Variants in NRG3 observed in about 807,000 individuals in gnomAD.
NRG3 encodes the protein pro-neuregulin-3, membrane-bound isoform.
A neutral mutation model predicts 66.9 loss-of-function variants in NRG3; 31 were observed. That is an observed-to-expected ratio of 0.46 (90% CI 0.35 to 0.63). The LOEUF is 0.63. NRG3 is among the 20% of genes least tolerant of loss of function. The pLI, the probability that NRG3 is intolerant of heterozygous loss-of-function variation, is 0.00. For missense variants in NRG3, 910 were observed against 878.9 expected (o/e 1.04, Z -0.45); for synonymous variants, 393 against 359.4 (o/e 1.09, Z -1.06).
intron 1 of NRG3, among the ~76,000 whole-genome samples, chr10:82,080,296 C>A (rs1018707603): frequency 3.3e-5 from 5 of 152,118 alleles, no homozygotes; most frequent in Admixed American, 2.6e-4. Flanking sequence ...CCTTCAACAA[C>A]CCTGGGTTCT....
rs1308832220 is a variant in NRG3 at position 82,334,773 on chromosome 10, T to G, written c.824-23966T>G. On this transcript the variant is annotated intron_variant, in intron 1 of 8. Coordinates refer to ENST00000372141, the MANE Select transcript of NRG3 (RefSeq NM_001010848.4). Reference sequence around the variant, plus strand: ...TAATTATCAAATCTCATTGGAAGTTTTTCAGTTATTGAATGGAATAATATG... The same window carrying G: ...TAATTATCAAATCTCATTGGAAGTTGTTCAGTTATTGAATGGAATAATATG... Among the ~76,000 whole-genome samples the G allele has an allele frequency of 2.0e-5, 3 of 152,328 alleles. No individual in the cohort carries two copies. In the South Asian group the frequency reaches 6.2e-4, roughly 32 times the overall value.
intron 2 of NRG3, among the ~76,000 whole-genome samples, chr10:82,485,076 T>C (rs1413694596): frequency 6.6e-6 from 1 of 152,160 alleles, no homozygotes; most frequent in Non-Finnish European, 1.5e-5. Context: ...ATAGCACCCT[T>C]CACAATACAC....
chr10:82,164,968 G>A (rs2071924854), intron 1 of NRG3, among the ~76,000 whole-genome samples: 1 of 151,934 alleles, frequency 6.6e-6, no homozygotes, highest in Non-Finnish European at 1.5e-5. Context: ...GAAAAGACTG[G>A]CACTCTAATA....
At chr10:82,461,639 C>T (rs918550223) in intron 2 of NRG3, among the ~76,000 whole-genome samples, 1 of 152,158 alleles carries the variant, frequency 6.6e-6, no homozygotes, top group Admixed American at 6.5e-5. Context: ...TTTATCTACG[C>T]ACCCCATTAA....
rs533618308 is a variant in NRG3, at chr10:82,789,033, CAA to C, written c.1027+50386_1027+50387del. ...TTTATTTATTTTGAATATATATACT[CAA>C]AAGGAATAGAGTGCTGGGTCATCTG... On this transcript the variant is annotated intron_variant, in intron 3 of 8. Coordinates refer to ENST00000372141, the MANE Select transcript of NRG3 (RefSeq NM_001010848.4). Among the ~76,000 whole-genome samples, 1,043 of 152,060 alleles carry C rather than the reference CAA, an allele frequency of 6.9e-3. 13 individuals are homozygous for C. Among genetic ancestry groups the C allele is most frequent in the African/African-American group, 0.024 (1,006 of 41,500 alleles).
intron 4 of NRG3, among the ~76,000 whole-genome samples, chr10:82,888,311 T>C (rs1212594952): frequency 6.6e-6 from 1 of 152,212 alleles, no homozygotes; most frequent in Admixed American, 6.6e-5. Context: ...TGGTTACATA[T>C]GTGCATGACA....
intron 1 of NRG3, among the ~76,000 whole-genome samples, chr10:82,041,213 C>T (rs1269988803): frequency 6.6e-6 from 1 of 151,964 alleles, no homozygotes; most frequent in Non-Finnish European, 1.5e-5. Context: ...GTAAGGAGTC[C>T]TTATGGCTTT....
intron 3 of NRG3, among the ~76,000 whole-genome samples, chr10:82,781,698 A>G (rs2135279781): frequency 6.6e-6 from 1 of 152,240 alleles, no homozygotes; most frequent in Non-Finnish European, 1.5e-5. Flanking sequence ...GCTAAATGTC[A>G]TGGGTTTCAT....
intron 1 of NRG3, among the ~76,000 whole-genome samples, chr10:81,901,230 C>T (rs1406464871): frequency 2.6e-5 from 4 of 152,164 alleles, no homozygotes; most frequent in African/African-American, 9.7e-5. Flanking sequence ...AGGCTGTGTC[C>T]AGCACTGTCA....
intron 2 of NRG3, among the ~76,000 whole-genome samples, chr10:82,393,126 C>G (rs1284480739): frequency 6.6e-6 from 1 of 152,068 alleles, no homozygotes; most frequent in Non-Finnish European, 1.5e-5. Flanking sequence ...CCTCTGGACC[C>G]TTTGGCAATT....
chr10:82,077,497 TA>T (rs1017795731), intron 1 of NRG3, among the ~76,000 whole-genome samples: 1 of 152,094 alleles, frequency 6.6e-6, no homozygotes, highest in Non-Finnish European at 1.5e-5. Flanking sequence ...TCCCTTGGGG[TA>T]AAAAAATAAA....
At chr10:82,921,993 A>T (rs1162570291) in intron 4 of NRG3, among the ~76,000 whole-genome samples, 1 of 152,158 alleles carries the variant, frequency 6.6e-6, no homozygotes, top group Non-Finnish European at 1.5e-5. Context: ...TGTAAACTAT[A>T]TAGATTTCAG....
chr10:81,922,076 T>G (rs1589463239), intron 1 of NRG3, among the ~76,000 whole-genome samples: 1 of 152,160 alleles, frequency 6.6e-6, no homozygotes, highest in East Asian at 1.9e-4. Flanking sequence ...CTATCCAGTT[T>G]AAATGCCCAC....
chr10:82,197,607 G>A (rs2074515171), intron 1 of NRG3, among the ~76,000 whole-genome samples: 2 of 152,040 alleles, frequency 1.3e-5, no homozygotes, highest in Non-Finnish European at 2.9e-5. Context: ...AAAATGACCT[G>A]TCTTTGTTTT....
intron 2 of NRG3, among the ~76,000 whole-genome samples, chr10:82,431,516 A>G (rs2089803928): frequency 6.6e-6 from 1 of 152,228 alleles, no homozygotes. Flanking sequence ...AAGAGTAATA[A>G]CAAAGTAGAT....
At chr10:82,292,753 A>G (rs1017006611) in intron 1 of NRG3, among the ~76,000 whole-genome samples, 1 of 152,232 alleles carries the variant, frequency 6.6e-6, no homozygotes, top group African/African-American at 2.4e-5. Context: ...AAGGTCACAT[A>G]CTTCATGGCA....
At chr10:81,940,401 C>A (rs551595805) in intron 1 of NRG3, among the ~76,000 whole-genome samples, 2 of 152,124 alleles carry the variant, frequency 1.3e-5, no homozygotes, top group African/African-American at 2.4e-5. Flanking sequence ...GGCTGGGGTA[C>A]AATACATAAT....
At chr10:82,790,670 A>T (rs1179817967) in intron 3 of NRG3, among the ~76,000 whole-genome samples, 1 of 151,736 alleles carries the variant, frequency 6.6e-6, no homozygotes, top group African/African-American at 2.4e-5. Flanking sequence ...TTTTTGCCTT[A>T]TTTTCTTTCT....
At chr10:82,761,843 T>A (rs2059315044) in intron 3 of NRG3, among the ~76,000 whole-genome samples, 1 of 151,644 alleles carries the variant, frequency 6.6e-6, no homozygotes, top group Admixed American at 6.6e-5. Context: ...TATGCACAAA[T>A]ATAAATTGTA....
Sources: allele counts gnomAD v4.1 joint callset (sites outside exome capture counted in the v4.1 genomes callset), GRCh38; gene constraint gnomAD v4.1.1; transcripts MANE v1.5; gene names NCBI Gene and HGNC (gene_info 2026-07-23, HGNC 2026-07-21).